POM121C: variants seen among roughly 807,000 people sequenced by gnomAD.
POM121C encodes POM121 transmembrane nucleoporin C.
In POM121C, 20 loss-of-function variants were observed where a neutral mutation model predicts 66.4. The ratio of observed to expected loss-of-function variants is 0.30; its 90% CI spans 0.21 to 0.44. POM121C has a LOEUF of 0.44. Among genes scored for constraint, POM121C ranks in the 20% least tolerant of loss-of-function variants. The probability of loss-of-function intolerance (pLI) is 1.00; values close to 1 mark genes in which losing one functional copy is unlikely to be tolerated. For missense variants in POM121C, 580 were observed against 1,225.7 expected (o/e 0.47, Z 7.87); for synonymous variants, 286 against 528.0 (o/e 0.54, Z 6.28).
In POM121C at chr7:75,425,140, G is replaced by T; in HGVS notation, c.702C>A (p.Gly234=). ...CTTTCCGCTTACGCTGCCCAGAGCT[G>T]CCAGGTGTAGACTGAGAATTCGAGT... is the stretch of plus-strand genomic sequence containing the variant. ...KQNSNSQSTP[G]SSGQRKRKVQ... Residue 234 remains glycine, a synonymous_variant, in exon 10 of 15, where the codon GGC becomes GGA. Coordinates refer to ENST00000615331, the MANE Select transcript of POM121C (RefSeq NM_001099415.3). The T allele has an allele frequency of 6.7e-7, 1 of 1,486,904 alleles. No individual in the cohort carries two copies. The highest frequency in any genetic ancestry group is 9.0e-7 in the Non-Finnish European group (1 of 1,117,300). 92.1% of individuals were successfully genotyped at this position (1,486,904 alleles called of 1,614,324 possible).
chr7:75,479,794 A>G (rs1792241309), intron 1 of POM121C, among the ~76,000 whole-genome samples: 1 of 152,116 alleles, frequency 6.6e-6, no homozygotes, highest in African/African-American at 2.4e-5. Context: ...GGAAAAATGG[A>G]TATTACTTAA....
At chr7:75,449,669 A>T (rs1484154288) in intron 3 of POM121C, among the ~76,000 whole-genome samples, 1 of 151,910 alleles carries the variant, frequency 6.6e-6, no homozygotes, top group African/African-American at 2.4e-5. Context: ...GCCCGGCAAC[A>T]GTAGGGGAAA....
At chr7:75,463,458 T>C (rs1554477328) in intron 3 of POM121C, among the ~76,000 whole-genome samples, 2 of 151,176 alleles carry the variant, frequency 1.3e-5, no homozygotes, top group Admixed American at 6.6e-5. Flanking sequence ...TCTTTTTTTT[T>C]TTTTTTTTTT....
intron 1 of POM121C, among the ~76,000 whole-genome samples, chr7:75,481,386 T>G (rs1166509581): frequency 6.6e-6 from 1 of 152,216 alleles, no homozygotes; most frequent in Non-Finnish European, 1.5e-5. Flanking sequence ...ACAACTTCTA[T>G]GTACTGAAAT....
rs587676365 is a variant in POM121C, at chr7:75,421,930, C to T, written c.2322G>A (p.Ala774=). ...CGGAAGCCGTGGCTTTCAATCCAAA[C>T]GCCGAGTGCGTGGCACCGCCAAAGG... ...QPTFGGATHS[A]FGLKATASAF... The change falls in exon 13 of 15, where the codon GCG becomes GCA. Residue 774 remains alanine, a synonymous_variant. Coordinates refer to ENST00000615331, the MANE Select transcript of POM121C (RefSeq NM_001099415.3). The T allele has an allele frequency of 5.5e-5, 89 of 1,613,492 alleles. No homozygotes were observed. Among genetic ancestry groups the T allele is most frequent in the East Asian group, 2.2e-4 (10 of 44,882 alleles).
chr7:75,459,599 C>CAAAAAAAA (rs1211791667), intron 3 of POM121C, among the ~76,000 whole-genome samples: 16 of 43,814 alleles, frequency 3.7e-4, no homozygotes, highest in Non-Finnish European at 5.2e-4. Flanking sequence ...GACTCTGTCT[C>CAAAAAAAA]AAAAAAAAAA....
intron 1 of POM121C, 41 bp from the exon 2 acceptor site, chr7:75,475,229 G>C (rs1335778531): frequency 1.9e-6 from 2 of 1,071,316 alleles, no homozygotes; most frequent in African/African-American, 3.1e-5. Context: ...ATATGGAAAA[G>C]GGATAGGGGG....
At chr7:75,431,464 G>A (rs112896238) in intron 7 of POM121C, among the ~76,000 whole-genome samples, 16 of 151,948 alleles carry the variant, frequency 1.1e-4, no homozygotes, top group African/African-American at 2.9e-4. Context: ...TTTGCTGGGC[G>A]TGGTGGTGCA....
chr7:75,423,801 A>G (rs144517089), intron 12 of POM121C, among the ~76,000 whole-genome samples: 144,945 of 151,598 alleles, frequency 0.96, 69,342 homozygotes, highest in East Asian at 1. Flanking sequence ...TCATCTGACA[A>G]ATGAGGAAGG....
rs1554470302 is a variant in POM121C, at chr7:75,419,443, C to T, written c.2744-1G>A. 6.2e-7 allele frequency: 1 copy of T among 1,613,206 alleles called. No homozygotes were observed. Among genetic ancestry groups the T allele is most frequent in the African/African-American group, 1.3e-5 (1 of 75,010 alleles). On this transcript the variant is annotated splice_acceptor_variant, in intron 13 of 14. Transcript: ENST00000615331. LOFTEE classifies it high-confidence loss of function. ...TGACCAAAGGTGGGGGTGGCGGTGCCTGGAATGAAGAGAACAGAGAGCTAG... is the reference window on the plus strand; with the variant it reads ...TGACCAAAGGTGGGGGTGGCGGTGCTTGGAATGAAGAGAACAGAGAGCTAG...
chr7:75,482,689 C>T (rs192823491), intron 1 of POM121C, among the ~76,000 whole-genome samples: 4 of 150,764 alleles, frequency 2.7e-5, no homozygotes, highest in Non-Finnish European at 5.9e-5. Flanking sequence ...GACCCTATCT[C>T]AAAAAAAGAA....
intron 1 of POM121C, chr7:75,484,424 G>A (rs1276082336): frequency 5.0e-5 from 22 of 438,666 alleles, no homozygotes; most frequent in African/African-American, 3.9e-4. Context: ...GTTTCACCAT[G>A]TTGGCCAGGC....
intron 3 of POM121C, among the ~76,000 whole-genome samples, chr7:75,459,085 G>GA (rs1216358781): frequency 1.4e-5 from 2 of 147,248 alleles, no homozygotes; most frequent in Non-Finnish European, 3.0e-5. Context: ...ATACAACAGA[G>GA]AAAAAAATTA....
At chr7:75,469,391 C>G (rs1791790886) in intron 3 of POM121C, among the ~76,000 whole-genome samples, 1 of 152,208 alleles carries the variant, frequency 6.6e-6, no homozygotes, top group Admixed American at 6.5e-5. Context: ...AGCCACCACA[C>G]CTGGCCAGGT....
intron 1 of POM121C, among the ~76,000 whole-genome samples, chr7:75,485,510 G>GC (rs1371729664): frequency 7.3e-6 from 1 of 136,424 alleles, no homozygotes; most frequent in Non-Finnish European, 1.8e-5. Flanking sequence ...GCAGGTCTAA[G>GC]GGGGGGGATC....
rs587624974 is a variant in POM121C, at chr7:75,418,501, G to T, written c.*295C>A. On this transcript the variant is annotated 3_prime_UTR_variant, in exon 15 of 15. Transcript: ENST00000615331. ...GCCTGCCTAAGGGTGCGCTAAGCGG[G>T]AGTCAGGGCAGCGGACACTATGTAC... 2 of 1,150,406 alleles carry T rather than the reference G, an allele frequency of 1.7e-6. No homozygotes were observed. The highest frequency in any genetic ancestry group is 1.0e-4 in the East Asian group (2 of 19,968). The allele number at this position is 1,150,406 out of a possible 1,614,324, so 71.3% of individuals were successfully genotyped here. A position where few individuals can be genotyped will look rare whatever the true frequency, so the allele number is the denominator to read the frequency against.
Position 75,437,500 on chromosome 7 carries a change from G to A in POM121C, c.480+15C>T. 2.5e-6 allele frequency: 4 copies of A among 1,603,434 alleles called. No individual in the cohort carries two copies. The highest frequency in any genetic ancestry group is 3.4e-6 in the Non-Finnish European group (4 of 1,172,502). ...GGAATTCATGCCCCCCACATTACAA[G>A]AGCTGTACTTGTACCTGTGAGATGC... On this transcript the variant is annotated intron_variant, in intron 7 of 14. Transcript: ENST00000615331.
intron 1 of POM121C, among the ~76,000 whole-genome samples, chr7:75,478,659 G>A (rs1781875342): frequency 6.6e-6 from 1 of 151,280 alleles, no homozygotes; most frequent in African/African-American, 2.4e-5. Context: ...AAGATGAACA[G>A]CATCATGGAA....
chr7:75,423,676 G>T (rs1164523813), intron 12 of POM121C, among the ~76,000 whole-genome samples: 1 of 152,174 alleles, frequency 6.6e-6, no homozygotes, highest in Non-Finnish European at 1.5e-5. Flanking sequence ...AGCCCTCAAA[G>T]TGCTGGAGGG....
Sources: gnomAD v4.1 joint callset for allele counts (sites outside exome capture counted in the v4.1 genomes callset) on GRCh38, gnomAD v4.1.1 for gene constraint, MANE v1.5 for transcripts, NCBI Gene and HGNC (gene_info 2026-07-23, HGNC 2026-07-21) for gene names.